Variants in PRKCE observed in about 807,000 individuals in gnomAD.
PRKCE encodes the protein protein kinase C epsilon.
PRKCE carries 16 observed loss-of-function variants against 85.4 expected under a neutral mutation model. The observed-to-expected ratio is 0.19, with a 90% confidence interval of 0.13 to 0.28. PRKCE has a LOEUF of 0.28. Ranked by LOEUF, PRKCE falls within the 10% of genes least tolerant of loss-of-function variation. PRKCE has a pLI of 1.00. For synonymous variants in PRKCE, 388 were observed against 371.5 expected (o/e 1.04, Z -0.51); for missense variants, 573 against 975.2 (o/e 0.59, Z 5.49).
intron 1 of PRKCE, among the ~76,000 whole-genome samples, chr2:45,777,328 G>C (rs985608174): frequency 1.6e-4 from 25 of 152,168 alleles, no homozygotes; most frequent in East Asian, 7.7e-4. Context: ...TTATATTCAT[G>C]TACCAGCTTG....
chr2:45,972,446 G>A (rs1702171670), intron 2 of PRKCE, among the ~76,000 whole-genome samples: 1 of 152,032 alleles, frequency 6.6e-6, no homozygotes, highest in Non-Finnish European at 1.5e-5. Context: ...TGTTTCCTTT[G>A]CTGTGCAGAA....
chr2:46,094,495 G>A (rs1007581623), intron 11 of PRKCE, among the ~76,000 whole-genome samples: 5 of 152,152 alleles, frequency 3.3e-5, no homozygotes, highest in African/African-American at 1.2e-4. Context: ...GGTGGAGCTG[G>A]AAGCCGTTAT....
intron 2 of PRKCE, among the ~76,000 whole-genome samples, chr2:45,854,615 G>C (rs992172599): frequency 2.6e-5 from 4 of 152,224 alleles, no homozygotes; most frequent in Admixed American, 6.5e-5. Context: ...AAAGCATTAA[G>C]AGGCGATGGT....
At chr2:45,847,419 A>T (rs979643746) in intron 2 of PRKCE, among the ~76,000 whole-genome samples, 25 of 152,194 alleles carry the variant, frequency 1.6e-4, no homozygotes, top group Admixed American at 1.0e-3. Context: ...TTCAGAAGGG[A>T]TATTTTAGAA....
intron 2 of PRKCE, among the ~76,000 whole-genome samples, chr2:45,943,854 T>C (rs1258562788): frequency 6.6e-6 from 1 of 152,178 alleles, no homozygotes; most frequent in Non-Finnish European, 1.5e-5. Flanking sequence ...GAATTTGGAG[T>C]GACCGCGCAG....
At chr2:45,791,088 G>A (rs1448292699) in intron 1 of PRKCE, among the ~76,000 whole-genome samples, 2 of 152,220 alleles carry the variant, frequency 1.3e-5, no homozygotes, top group Non-Finnish European at 2.9e-5. Context: ...TGGTGAAGAA[G>A]GGAAGGTTTT....
chr2:45,811,536 T>C (rs1018773690), intron 1 of PRKCE, among the ~76,000 whole-genome samples: 1 of 152,236 alleles, frequency 6.6e-6, no homozygotes, highest in African/African-American at 2.4e-5. Flanking sequence ...TCACCCTGCG[T>C]TGTAATTTTT....
chr2:45,897,571 C>A (rs1696247146), intron 2 of PRKCE, among the ~76,000 whole-genome samples: 1 of 152,140 alleles, frequency 6.6e-6, no homozygotes, highest in African/African-American at 2.4e-5. Context: ...GGGTAAAAGG[C>A]ACTTTGCCCA....
At chr2:45,869,670 A>G (rs1260212808) in intron 2 of PRKCE, among the ~76,000 whole-genome samples, 1 of 119,300 alleles carries the variant, frequency 8.4e-6, no homozygotes, top group Non-Finnish European at 1.8e-5. Flanking sequence ...GGTCTGTTAC[A>G]TTTTTCTTTT....
intron 1 of PRKCE, among the ~76,000 whole-genome samples, chr2:45,759,110 CA>C (rs1421420085): frequency 6.6e-6 from 1 of 152,198 alleles, no homozygotes; most frequent in African/African-American, 2.4e-5. Flanking sequence ...CCCCTCTCCC[CA>C]ATGGGGCACT....
intron 14 of PRKCE, among the ~76,000 whole-genome samples, chr2:46,168,588 A>G (rs1458224943): frequency 4.6e-5 from 7 of 152,250 alleles, no homozygotes; most frequent in Admixed American, 3.3e-4. Context: ...TGACAAAGGC[A>G]AGGAAAGAAT....
In PRKCE at chr2:46,007,565, C is replaced by T. The variant is rs745630825; in HGVS notation, c.1167C>T (p.Pro389=). The change falls in exon 9 of 15, where the codon CCC becomes CCT. Residue 389 remains proline (P), a synonymous_variant. Coordinates refer to ENST00000306156, the MANE Select transcript of PRKCE (RefSeq NM_005400.3). ...CTCCTGATGGCCAGCTGATGAGCCC[C>T]GGTGAGAATGGCGAAGTCCGGCAAG... The part of the protein sequence containing the change: ...ASSPDGQLMS[P]GENGEVRQGQ... 38 of 1,599,646 alleles carry T rather than the reference C, an allele frequency of 2.4e-5. No individual in the cohort carries two copies. Among genetic ancestry groups the T allele is most frequent in the Middle Eastern group, 1.6e-4 (1 of 6,082 alleles).
At chr2:45,998,639 T>TCTAC (rs1558939424) in intron 6 of PRKCE, among the ~76,000 whole-genome samples, 97 of 152,088 alleles carry the variant, frequency 6.4e-4, no homozygotes, top group African/African-American at 2.3e-3. Context: ...ATATTTAGAC[T>TCTAC]ATTGACATTT....
rs1696875273 is a variant in PRKCE at position 45,905,091 on chromosome 2, G to C, written c.412+62028G>C. Among the ~76,000 whole-genome samples, 1 of 152,236 alleles carries C rather than the reference G, an allele frequency of 6.6e-6. No individual in the cohort carries two copies. Among genetic ancestry groups the C allele is most frequent in the Non-Finnish European group, 1.5e-5 (1 of 68,040 alleles). ...GTTAATCACACCACTGGTGCTTGCT[G>C]TATCCTATGGCAACAGCAGCTCCTT... On this transcript the variant is annotated intron_variant, in intron 2 of 14. Coordinates refer to ENST00000306156, the MANE Select transcript of PRKCE (RefSeq NM_005400.3). This position sits in a 1 kb window ranked among gnomAD's most constrained non-coding sequence, Gnocchi z 4.4.
intron 1 of PRKCE, among the ~76,000 whole-genome samples, chr2:45,696,999 C>G (rs1378786303): frequency 6.6e-6 from 1 of 152,216 alleles, no homozygotes; most frequent in Non-Finnish European, 1.5e-5. Context: ...TCCCCCTTGG[C>G]TTTTGTACTT....
intron 11 of PRKCE, among the ~76,000 whole-genome samples, chr2:46,118,312 C>T (rs1266706320): frequency 1.3e-5 from 2 of 152,126 alleles, no homozygotes; most frequent in Non-Finnish European, 2.9e-5. Flanking sequence ...CTGTGGGACA[C>T]GGTGGAGAAA....
chr2:45,831,091 G>A (rs376657797), intron 1 of PRKCE, among the ~76,000 whole-genome samples: 9 of 152,326 alleles, frequency 5.9e-5, no homozygotes, highest in Middle Eastern at 3.4e-3. Flanking sequence ...TACACCCTCC[G>A]AGAAAAGAAT....
chr2:46,124,106 C>T (rs1487486333), intron 11 of PRKCE, among the ~76,000 whole-genome samples: 1 of 152,166 alleles, frequency 6.6e-6, no homozygotes, highest in African/African-American at 2.4e-5. Context: ...GGGCGGATCA[C>T]TGGAGGTCAG....
rs538608138 is a variant in PRKCE, at chr2:46,029,641, G to A, written c.1437+19124G>A. Among the ~76,000 whole-genome samples the A allele has an allele frequency of 2.0e-5, 3 of 151,682 alleles. No individual in the cohort carries two copies. In the East Asian group the frequency reaches 5.8e-4, roughly 29 times the overall value. On this transcript the variant is annotated intron_variant, in intron 10 of 14. Coordinates refer to ENST00000306156, the MANE Select transcript of PRKCE (RefSeq NM_005400.3). ...GCTCAAGCAAGCCTGTTCATGCATC[G>A]CTAATTGCTTAAACATCAGGGAAAG...
Sources: gnomAD v4.1 joint callset for allele counts (sites outside exome capture counted in the v4.1 genomes callset) on GRCh38, gnomAD v4.1.1 for gene constraint, Gnocchi (gnomAD v3.1) non-coding constraint, MANE v1.5 for transcripts, NCBI Gene and HGNC (gene_info 2026-07-23, HGNC 2026-07-21) for gene names.